The following PROM2 variants were observed in gnomAD, a reference collection of about 807,000 sequenced individuals.
PROM2 encodes prominin 2, also known as prominin-2.
In PROM2, 90 loss-of-function variants were observed where a neutral mutation model predicts 110.2. The ratio of observed to expected loss-of-function variants is 0.82; its 90% confidence interval spans 0.69 to 0.97. PROM2 has a LOEUF of 0.97. Ranked by LOEUF, PROM2 falls within the 50% of genes least tolerant of loss-of-function variation. The pLI, the probability that PROM2 is intolerant of heterozygous loss-of-function variation, is 0.00. For missense variants in PROM2, 1,009 were observed against 1,074.8 expected, an observed-to-expected ratio of 0.94 and a Z score of 0.86; for synonymous variants, 470 against 467.8, an observed-to-expected ratio of 1.00 and a Z score of -0.06.
intron 11 of PROM2, 74 bp downstream of exon 11, chr2:95,280,071 C>T (rs1676961358): frequency 3.8e-6 from 5 of 1,311,608 alleles, no homozygotes; most frequent in Non-Finnish European, 4.9e-6. Flanking sequence ...CTGAGCATAG[C>T]TCCCGGTGTG....
chr2:95,278,558 C>G, intron 8 of PROM2, 163 bp from the exon 9 acceptor site: 1 of 762,778 alleles, frequency 1.3e-6, no homozygotes, highest in Non-Finnish European at 2.3e-6. Context: ...GAAGTTGAGT[C>G]AGACTGGGCC....
chr2:95,281,732 T>C (rs893954874), intron 12 of PROM2, among the ~76,000 whole-genome samples, 193 bp from the exon 13 acceptor site: 1 of 152,012 alleles, frequency 6.6e-6, no homozygotes, highest in African/African-American at 2.4e-5. Context: ...TAGGGATTCA[T>C]GGGAAGAGCC....
In PROM2 at chr2:95,276,894, C is replaced by A; in HGVS notation, c.683-78C>A. On this transcript the variant is annotated intron_variant, in intron 5 of 23. Transcript: ENST00000317620. The surrounding 1 kb of genome is among the most constrained non-coding windows in gnomAD (Gnocchi z 4.6). ...CGGCTCCTGCAGAGCCCGGTGGGGC[C>A]TGGGGAGGCAGGATGGGAATGGGGA... 6.9e-7 allele frequency: 1 copy of A among 1,457,534 alleles called. No individual in the cohort carries two copies. Among genetic ancestry groups the A allele is most frequent in the African/African-American group, 1.4e-5 (1 of 71,316 alleles). The allele number at this position is 1,457,534 out of a possible 1,614,324, so 90.3% of individuals were successfully genotyped here.
Position 95,275,831 on chromosome 2 carries a change from C to T in PROM2, c.295-99C>T, listed in dbSNP as rs765305286. 8.3e-5 allele frequency: 127 copies of T among 1,527,544 alleles called. No individual in the cohort carries two copies. Among genetic ancestry groups the T allele is most frequent in the South Asian group, 4.1e-4 (34 of 82,090 alleles). 94.6% of individuals were successfully genotyped at this position (1,527,544 alleles called of 1,614,324 possible). A position where few individuals can be genotyped will look rare whatever the true frequency, so the allele number is the denominator to read the frequency against. ...CATGAGATGCAGGCCATGCCCCTGACGGCACTCCCGCCCCTTCTGGTTTCC... is the reference window on the plus strand; with the variant it reads ...CATGAGATGCAGGCCATGCCCCTGATGGCACTCCCGCCCCTTCTGGTTTCC... On this transcript the variant is annotated intron_variant, in intron 2 of 23. Transcript: ENST00000317620. The surrounding 1 kb of genome is among the most constrained non-coding windows in gnomAD (Gnocchi z 4.4).
At chr2:95,284,907 G>A in intron 14 of PROM2, 62 bp from the exon 15 acceptor site, 14 of 1,536,894 alleles carry the variant, frequency 9.1e-6, no homozygotes, top group Non-Finnish European at 1.2e-5. Flanking sequence ...GCTTAGGGGA[G>A]CATCTCTGGG....
intron 17 of PROM2, 77 bp downstream of exon 17, chr2:95,286,648 GTTCT>G: frequency 7.6e-7 from 1 of 1,322,806 alleles, no homozygotes; most frequent in Non-Finnish European, 1.1e-6. Context: ...GGGGAGGGAA[GTTCT>G]GAGAGTCCCT....
chr2:95,275,882 C>A lies in PROM2; in HGVS notation c.295-48C>A. 6.4e-7 allele frequency: 1 copy of A among 1,569,436 alleles called. No homozygotes were observed. Among genetic ancestry groups the A allele is most frequent in the East Asian group, 2.3e-5 (1 of 42,904 alleles). The stretch of plus-strand genomic sequence containing the variant: ...CTCTGGACTCAGGCAGAAGCCAGGG[C>A]TGGGCAGTGGGGGTCGGGTCACCCC... On this transcript the variant is annotated intron_variant, in intron 2 of 23. Transcript: ENST00000317620. This position sits in a 1 kb window ranked among gnomAD's most constrained non-coding sequence, Gnocchi z 4.4.
At chr2:95,278,341 G>A in intron 8 of PROM2, 1 of 528,046 alleles carries the variant, frequency 1.9e-6, no homozygotes, top group South Asian at 2.3e-5. Flanking sequence ...ACCTGGAGCT[G>A]GGGAAATGAT....
At chr2:95,288,616 G>C (rs764994921) in intron 22 of PROM2, 27 bp downstream of exon 22, 1 of 1,588,248 alleles carries the variant, frequency 6.3e-7, no homozygotes, top group African/African-American at 1.3e-5. Flanking sequence ...GCTGCAGGCA[G>C]CATCAGGGGC....
At position 95,275,586 on chromosome 2, in the gene PROM2, C is replaced by A. The variant is rs1387356713; in HGVS notation, c.294+76C>A. On this transcript the variant is annotated intron_variant, in intron 2 of 23. Coordinates refer to ENST00000317620, the MANE Select transcript of PROM2 (RefSeq NM_001165978.3). This position sits in a 1 kb window ranked among gnomAD's most constrained non-coding sequence, Gnocchi z 4.4. ...CAGGGTGGGAGCAGAAAAGCCTTGG[C>A]TCCCCTTAGCCCACCTCGCTGGGTG... The A allele has an allele frequency of 5.1e-5, 79 of 1,553,454 alleles. No homozygotes were observed. The highest frequency in any genetic ancestry group is 6.8e-5 in the Non-Finnish European group (77 of 1,137,570).
rs1297539326 is a variant in PROM2 at position 95,286,532 on chromosome 2, C to A, written c.2001C>A (p.Asn667Lys). 1 of 1,613,632 alleles carries A rather than the reference C, an allele frequency of 6.2e-7. No homozygotes were observed. The highest frequency in any genetic ancestry group is 1.3e-5 in the African/African-American group (1 of 74,898). Residue 667 changes from asparagine (N) to lysine (K), a missense_variant, in exon 17 of 24, where the codon AAC becomes AAA. Transcript: ENST00000317620. ...AGGAGGAGGCCCAAGGACTCAGAAA[C>A]CTTCACCAGGAGAAGGTCGTCCCCC... ...RLQEEAQGLR[N>K]LHQEKVVPQQ... is the part of the protein sequence containing the mutation.
chr2:95,276,354 ACT>A lies in PROM2; in HGVS notation c.618+8_618+9del, dbSNP rs780496470. 24 of 1,612,868 alleles carry A rather than the reference ACT, an allele frequency of 1.5e-5. 1 individual carries two copies. The East Asian group carries it at 5.3e-4, about 36-fold the overall frequency. On this transcript the variant is annotated splice_region_variant and intron_variant, in intron 4 of 23. Coordinates refer to ENST00000317620, the MANE Select transcript of PROM2 (RefSeq NM_001165978.3). The surrounding 1 kb of genome is among the most constrained non-coding windows in gnomAD (Gnocchi z 4.6). The stretch of plus-strand genomic sequence containing the variant: ...GGTCTCTGATGTCCCCCAAGTGAGC[ACT>A]GTTACCCCTCACCCTCATGTGCCCC...
At chr2:95,287,517 G>C in intron 20 of PROM2, 53 bp downstream of exon 20, 1 of 1,579,914 alleles carries the variant, frequency 6.3e-7, no homozygotes, top group East Asian at 2.2e-5. Flanking sequence ...CGGACCAGCT[G>C]TTCACCCTGC....
At chr2:95,286,601 C>G in intron 17 of PROM2, 30 bp downstream of exon 17, 1 of 1,591,948 alleles carries the variant, frequency 6.3e-7, no homozygotes, top group African/African-American at 1.3e-5. Context: ...GAGCCTGGGG[C>G]CTGGGGGAGG....
rs762689868 is a variant in PROM2, at chr2:95,276,956, G to T, written c.683-16G>T. 4 of 1,550,002 alleles carry T rather than the reference G, an allele frequency of 2.6e-6. No individual in the cohort carries two copies. The highest frequency in any genetic ancestry group is 1.4e-5 in the African/African-American group (1 of 73,040). On this transcript the variant is annotated splice_polypyrimidine_tract_variant and intron_variant, in intron 5 of 23. Coordinates refer to ENST00000317620, the MANE Select transcript of PROM2 (RefSeq NM_001165978.3). The surrounding 1 kb of genome is among the most constrained non-coding windows in gnomAD (Gnocchi z 4.6). ...CTCTTGGGGTCCCACCCTGCAGACTGCCCTGTGCTCTGCAGGTGTTGGTGT... is the reference window on the plus strand; with the variant it reads ...CTCTTGGGGTCCCACCCTGCAGACTTCCCTGTGCTCTGCAGGTGTTGGTGT...
At chr2:95,284,045 C>T (rs1251497795) in intron 14 of PROM2, among the ~76,000 whole-genome samples, 2 of 152,202 alleles carry the variant, frequency 1.3e-5, no homozygotes, top group Non-Finnish European at 2.9e-5. Context: ...CAGGGAAGGT[C>T]TGTGTCTCTG....
chr2:95,282,080 G>C lies in PROM2; in HGVS notation c.1644-62G>C, dbSNP rs1322301822. 3.9e-5 allele frequency: 63 copies of C among 1,597,524 alleles called. No homozygotes were observed. In the Middle Eastern group the frequency reaches 1.0e-3, roughly 25 times the overall value. On this transcript the variant is annotated intron_variant, in intron 13 of 23. Coordinates refer to ENST00000317620, the MANE Select transcript of PROM2 (RefSeq NM_001165978.3). ...GAAGGAGGAGGGCCGGTGTCCCTCA[G>C]GGGACATCAGCCCCCCCGCCACCCC...
Position 95,274,459 on chromosome 2 carries a change from GAA to G in PROM2, c.-126_-125del. On this transcript the variant is annotated 5_prime_UTR_variant, in exon 1 of 24. Transcript: ENST00000317620. ...GGAGGCGGGAGGCCAGGTAGCTCAG[GAA>G]CCCAAACCTGTCGGGCAGGTTTTGA... 1 of 1,286,326 alleles carries G rather than the reference GAA, an allele frequency of 7.8e-7. No homozygotes were observed. The highest frequency in any genetic ancestry group is 1.0e-6 in the Non-Finnish European group (1 of 972,588). The allele number at this position is 1,286,326 out of a possible 1,614,324, so 79.7% of individuals were successfully genotyped here.
At position 95,289,285 on chromosome 2, in the gene PROM2, G is replaced by A. The variant is rs555962843; in HGVS notation, c.*72G>A. On this transcript the variant is annotated 3_prime_UTR_variant, in exon 24 of 24. Transcript: ENST00000317620. Reference sequence around the variant, plus strand: ...GATTTAGCCTGGGCCACAGGACTTCGGTAGCTCTTGCCCCAGAGCCCAGGC... The same window carrying A: ...GATTTAGCCTGGGCCACAGGACTTCAGTAGCTCTTGCCCCAGAGCCCAGGC... The A allele has an allele frequency of 2.1e-4, 101 of 491,280 alleles. No individual in the cohort carries two copies. Among genetic ancestry groups the A allele is most frequent in the African/African-American group, 1.4e-3 (73 of 51,534 alleles). The allele number at this position is 491,280 out of a possible 1,614,324, so 30.4% of individuals were successfully genotyped here.
Sources: gnomAD v4.1 joint callset for allele counts (sites outside exome capture counted in the v4.1 genomes callset) on GRCh38, gnomAD v4.1.1 for gene constraint, Gnocchi (gnomAD v3.1) non-coding constraint, MANE v1.5 for transcripts, NCBI Gene and HGNC (gene_info 2026-07-23, HGNC 2026-07-21) for gene names.